MADD: variants seen among roughly 807,000 people sequenced by gnomAD.
MADD encodes the protein MAP kinase-activating death domain protein.
Under a neutral mutation model 176.7 loss-of-function variants are expected in MADD, and 109 were observed. That is an observed-to-expected ratio of 0.62 (90% CI 0.53 to 0.72). MADD has a LOEUF of 0.72. Ranked by LOEUF, MADD falls within the 30% of genes least tolerant of loss-of-function variation. The pLI is 0.00. For synonymous variants in MADD, 771 were observed against 771.3 expected, an observed-to-expected ratio of 1.00 and a Z score of 0.01; for missense variants, 1,914 against 2,045.5, an observed-to-expected ratio of 0.94 and a Z score of 1.24.
intron 2 of MADD, 38 bp downstream of exon 2, chr11:47,274,014 G>T (rs764043834): frequency 6.3e-7 from 1 of 1,582,008 alleles, no homozygotes; most frequent in Non-Finnish European, 8.7e-7. Context: ...TTAATATCTG[G>T]GATAGCCATA....
At chr11:47,299,060 T>C (rs943526407) in intron 22 of MADD, among the ~76,000 whole-genome samples, 1 of 152,240 alleles carries the variant, frequency 6.6e-6, no homozygotes, top group African/African-American at 2.4e-5. Context: ...TTTATGCCAG[T>C]AGCATGCAGT....
intron 6 of MADD, 88 bp downstream of exon 6, chr11:47,278,366 C>A: frequency 1.0e-6 from 1 of 964,016 alleles, no homozygotes; most frequent in Non-Finnish European, 1.7e-6. Context: ...AGATTCCTTT[C>A]AGGAACGTCC....
At chr11:47,288,173 C>G (rs536180288) in intron 15 of MADD, among the ~76,000 whole-genome samples, 1 of 152,250 alleles carries the variant, frequency 6.6e-6, no homozygotes, top group South Asian at 2.1e-4. Context: ...ACCTGTCATC[C>G]TAGCTACTTG....
chr11:47,314,923 C>CACTT (rs35642448), intron 26 of MADD, among the ~76,000 whole-genome samples: 1 of 152,192 alleles, frequency 6.6e-6, no homozygotes, highest in Admixed American at 6.5e-5. Context: ...TTATATTAAT[C>CACTT]ATTAATTGTT....
At chr11:47,306,752 G>T (rs1035426131) in intron 22 of MADD, among the ~76,000 whole-genome samples, 7 of 152,066 alleles carry the variant, frequency 4.6e-5, no homozygotes, top group Non-Finnish European at 1.0e-4. Context: ...GTCTCCCTCA[G>T]TTATTTTTGT....
At chr11:47,324,845 C>T in intron 30 of MADD, 1 of 637,190 alleles carries the variant, frequency 1.6e-6, no homozygotes, top group Non-Finnish European at 2.8e-6. Context: ...ATCCGTTGGA[C>T]TCCACACAGT....
At chr11:47,294,044 T>C in intron 20 of MADD, 61 bp downstream of exon 22, 1 of 1,330,312 alleles carries the variant, frequency 7.5e-7, no homozygotes, top group Non-Finnish European at 1.1e-6. Context: ...AATACTTCTT[T>C]AAGTTAAAAT....
chr11:47,287,441 C>T (rs775028410), intron 15 of MADD, among the ~76,000 whole-genome samples: 15 of 152,110 alleles, frequency 9.9e-5, no homozygotes, highest in South Asian at 4.1e-4. Flanking sequence ...AGTGTCACTC[C>T]GTCACCCAGG....
intron 15 of MADD, among the ~76,000 whole-genome samples, chr11:47,287,688 G>T (rs1007710876): frequency 6.6e-6 from 1 of 152,098 alleles, no homozygotes; most frequent in Non-Finnish European, 1.5e-5. Flanking sequence ...AGGATTACAG[G>T]TGTGAGCCAC....
chr11:47,307,834 A>C (rs545791694), intron 22 of MADD, among the ~76,000 whole-genome samples: 129 of 152,122 alleles, frequency 8.5e-4, no homozygotes, highest in African/African-American at 2.6e-3. Context: ...ACACCCAGCT[A>C]ATTTTTTGTA....
intron 31 of MADD, chr11:47,328,446 G>A (rs1264492252): frequency 7.0e-7 from 1 of 1,438,478 alleles, no homozygotes; most frequent in Non-Finnish European, 9.1e-7. Context: ...AGGCCTAGCT[G>A]AGGAGGCTAG....
chr11:47,329,295 G>A (rs1040434238), exon 33 of MADD: 18 of 666,674 alleles, frequency 2.7e-5, no homozygotes, highest in Non-Finnish European at 4.6e-5. Context: ...GTTGGTTACC[G>A]GTTATGTGTC....
chr11:47,287,616 G>A (rs1482762679), intron 15 of MADD, among the ~76,000 whole-genome samples: 1 of 151,812 alleles, frequency 6.6e-6, no homozygotes, highest in Non-Finnish European at 1.5e-5. Flanking sequence ...CACCATGTTG[G>A]CCAGGCTGGT....
chr11:47,304,165 T>C (rs1384544206), intron 22 of MADD, among the ~76,000 whole-genome samples: 1 of 152,112 alleles, frequency 6.6e-6, no homozygotes. Flanking sequence ...GAATGACTTA[T>C]CTTCAAATAT....
At chr11:47,290,670 C>T in exon 19 of MADD, 1 of 1,614,154 alleles carries the variant, frequency 6.2e-7, no homozygotes, top group Non-Finnish European at 8.5e-7. Flanking sequence ...GGCAAGGATC[C>T]TGGCCTAGCT....
chr11:47,302,145 T>C (rs1215600170), intron 22 of MADD, among the ~76,000 whole-genome samples: 1 of 152,228 alleles, frequency 6.6e-6, no homozygotes, highest in African/African-American at 2.4e-5. Context: ...CTGTGTTGAA[T>C]GCATATATAT....
At chr11:47,290,458 G>T (rs1206746508) in intron 18 of MADD, 152 bp from the exon 20 acceptor site, 6 of 1,225,336 alleles carry the variant, frequency 4.9e-6, no homozygotes, top group African/African-American at 4.6e-5. Context: ...TACGCAGTGG[G>T]TATTCTTTGT....
At chr11:47,316,684 C>T (rs533263832) in intron 27 of MADD, among the ~76,000 whole-genome samples, 29 of 152,116 alleles carry the variant, frequency 1.9e-4, no homozygotes, top group South Asian at 6.2e-4. Flanking sequence ...CCGGTGCACC[C>T]GGCCTTCCAG....
exon 21 of MADD, chr11:47,295,523 G>T: frequency 6.2e-7 from 1 of 1,614,032 alleles, no homozygotes; most frequent in Non-Finnish European, 8.5e-7. Context: ...TGTCATCGGC[G>T]TGAGTCCAGC....
Sources: allele counts gnomAD v4.1 joint callset (sites outside exome capture counted in the v4.1 genomes callset), GRCh38; gene constraint gnomAD v4.1.1; transcripts MANE v1.5; gene names NCBI Gene and HGNC (gene_info 2026-07-23, HGNC 2026-07-21).